KANSL3: variants seen among roughly 807,000 people sequenced by gnomAD.
KANSL3 encodes the protein NSL complex protein NSL3.
KANSL3 carries 16 observed loss-of-function variants against 89.2 expected under a neutral mutation model. That is an observed-to-expected ratio of 0.18 (90% CI 0.12 to 0.27). KANSL3 has a LOEUF of 0.27. Ranked by LOEUF, KANSL3 falls within the 10% of genes least tolerant of loss-of-function variation. KANSL3 has a pLI of 1.00. For synonymous variants in KANSL3, 385 were observed against 419.7 expected (o/e 0.92, Z 1.01); for missense variants, 879 against 1,110.6 (o/e 0.79, Z 2.96).
intron 14 of KANSL3, chr2:96,606,525 G>A (rs1162555303): frequency 6.2e-6 from 1 of 160,924 alleles, no homozygotes; most frequent in African/African-American, 2.4e-5. Flanking sequence ...TTGCTTAGGG[G>A]ACAAATGCAC....
Position 96,602,213 on chromosome 2 carries a change from C to G in KANSL3, c.2385G>C (p.Gly795=). ...GCAGCTGGTGGATGGCTGTGGGCTT[C>G]CCACCAGGAGTGGCACCCAAGGAGG... ...TLSSLGATPG[G]KPTAIHQLLT... Residue 795 remains glycine, a synonymous_variant, in exon 19 of 21, where the codon GGG becomes GGC. Transcript: ENST00000431828. The G allele has an allele frequency of 6.2e-7, 1 of 1,609,214 alleles. No homozygotes were observed. Among genetic ancestry groups the G allele is most frequent in the Non-Finnish European group, 8.5e-7 (1 of 1,178,020 alleles).
intron 20 of KANSL3, among the ~76,000 whole-genome samples, chr2:96,597,789 G>T (rs555800551): frequency 6.6e-6 from 1 of 152,038 alleles, no homozygotes; most frequent in Non-Finnish European, 1.5e-5. Flanking sequence ...TTTTAGTAGA[G>T]ATGGGGTTTC....
Position 96,605,341 on chromosome 2 carries a change from A to G in KANSL3, c.1912T>C (p.Ser638Pro), listed in dbSNP as rs1412578759. The change falls in exon 15 of 21, where the codon TCC becomes CCC. Residue 638 changes from serine to proline, a missense_variant. Transcript: ENST00000431828. ...TCACCTTCTGGAGCACTTCCTTGGG[A>G]AGGAGCACAAGGCCCTCCAGCTGTG... ...GDTAGGPCAP[S>P]QGSAPEAAGG... is the part of the protein sequence containing the mutation. 6.2e-7 allele frequency: 1 copy of G among 1,611,418 alleles called. No homozygotes were observed. Among genetic ancestry groups the G allele is most frequent in the African/African-American group, 1.3e-5 (1 of 74,974 alleles).
chr2:96,628,056 T>A (rs2072717667), intron 3 of KANSL3: 1 of 1,290,322 alleles, frequency 7.7e-7, no homozygotes, highest in Admixed American at 2.3e-5. Flanking sequence ...GGCAATGTCA[T>A]AACAGAAGGG....
chr2:96,593,706 G>C lies in KANSL3; in HGVS notation c.*1905C>G, dbSNP rs2104786940. ...TTTCTTTGTCCCCAGCATACACTGA[G>C]CCAACAACTTAAGTCATGAATGGGT... On this transcript the variant is annotated 3_prime_UTR_variant, in exon 21 of 21. Transcript: ENST00000431828. The C allele has an allele frequency of 5.1e-6, 1 of 197,484 alleles. No individual in the cohort carries two copies. The highest frequency in any genetic ancestry group is 9.9e-5 in the South Asian group (1 of 10,134). 12.2% of individuals were successfully genotyped at this position (197,484 alleles called of 1,614,324 possible).
chr2:96,605,192 T>TC, intron 15 of KANSL3, 128 bp downstream of exon 15: 3 of 807,960 alleles, frequency 3.7e-6, no homozygotes, highest in Non-Finnish European at 3.9e-6. Context: ...TACAGACTCA[T>TC]GTCTTCTTTG....
chr2:96,624,707 A>G (rs1006208592), intron 3 of KANSL3, among the ~76,000 whole-genome samples: 1 of 152,010 alleles, frequency 6.6e-6, no homozygotes, highest in East Asian at 1.9e-4. Flanking sequence ...TTTTTAGTAG[A>G]GGCGAGGTTT....
the KANSL3 span, among the ~76,000 whole-genome samples, chr2:96,587,242 AC>A: frequency 6.6e-6 from 1 of 152,200 alleles, no homozygotes; most frequent in Admixed American, 6.5e-5. Flanking sequence ...CTGGAAATCT[AC>A]CCACCTGGCA....
intron 5 of KANSL3, chr2:96,615,656 C>A: frequency 5.8e-5 from 21 of 362,098 alleles, no homozygotes; most frequent in South Asian, 1.9e-4. Flanking sequence ...TTGTAAAACT[C>A]CAAAAATAGC....
intron 6 of KANSL3, 90 bp downstream of exon 6, chr2:96,613,398 A>G (rs2069372581): frequency 3.0e-6 from 3 of 1,012,022 alleles, no homozygotes; most frequent in South Asian, 1.8e-5. Context: ...ATAAATAGTT[A>G]AAGAAGCCAT....
chr2:96,587,584 T>C, the KANSL3 span, among the ~76,000 whole-genome samples: 3,797 of 152,306 alleles, frequency 0.025, 171 homozygotes, highest in African/African-American at 0.087. Flanking sequence ...TCGAGTTTCA[T>C]AGATAACACT....
chr2:96,617,496 G>C (rs915133054), intron 5 of KANSL3, among the ~76,000 whole-genome samples: 1 of 151,476 alleles, frequency 6.6e-6, no homozygotes, highest in Non-Finnish European at 1.5e-5. Context: ...GGAACGTGTT[G>C]GCCAGGCAAC....
chr2:96,628,560 C>T (rs778715586), intron 3 of KANSL3: 19 of 163,596 alleles, frequency 1.2e-4, no homozygotes, highest in Non-Finnish European at 1.6e-4. Flanking sequence ...GGTTCCCACC[C>T]GGGAGAATCA....
Position 96,612,512 on chromosome 2 carries a change from G to C in KANSL3, c.964C>G (p.Leu322Val). 1 of 1,613,966 alleles carries C rather than the reference G, an allele frequency of 6.2e-7. No individual in the cohort carries two copies. The highest frequency in any genetic ancestry group is 1.1e-5 in the South Asian group (1 of 91,086). ...CCAATCATATGCTCGAGACACTGTA[G>C]AACTCCTACCCCACTGCCATTGTTC... ...LLNNGSGVGV[L>V]QCLEHMIGAV... is the part of the protein sequence containing the mutation. The change falls in exon 8 of 21, where the codon CTA (leucine) becomes GTA (valine). Residue 322 changes from leucine to valine, a missense_variant. Around this residue, in one of 6 missense-constraint regions of KANSL3, gnomAD observed 198 missense variants for 260.3 expected, o/e 0.76. Transcript: ENST00000431828.
intron 15 of KANSL3, 89 bp from the exon 16 acceptor site, chr2:96,604,952 T>C (rs184037351): frequency 2.8e-6 from 3 of 1,060,052 alleles, no homozygotes; most frequent in Non-Finnish European, 4.1e-6. Flanking sequence ...ATGCAAGATA[T>C]TACGGACGAA....
chr2:96,591,139 A>T (rs2066267632), downstream of KANSL3, among the ~76,000 whole-genome samples: 1 of 152,242 alleles, frequency 6.6e-6, no homozygotes, highest in Non-Finnish European at 1.5e-5. Context: ...CTAAACCCAT[A>T]CCATGAAATA....
chr2:96,609,125 C>T (rs1276846170), intron 12 of KANSL3, 61 bp from the exon 13 acceptor site: 11 of 1,394,824 alleles, frequency 7.9e-6, no homozygotes, highest in Admixed American at 2.1e-5. Context: ...GGGAACCTCT[C>T]ATATACTTTC....
chr2:96,621,408 G>A (rs555662603), intron 3 of KANSL3, among the ~76,000 whole-genome samples: 3 of 152,140 alleles, frequency 2.0e-5, no homozygotes, highest in South Asian at 2.1e-4. Context: ...CAGCTACTCC[G>A]GAGGCTGAGG....
chr2:96,610,597 G>C (rs537600472), intron 11 of KANSL3, 129 bp downstream of exon 11: 2 of 1,014,412 alleles, frequency 2.0e-6, no homozygotes, highest in South Asian at 3.3e-5. Flanking sequence ...TTACAGGCGT[G>C]AGCCACCGCG....
Sources: allele counts gnomAD v4.1 joint callset (sites outside exome capture counted in the v4.1 genomes callset), GRCh38; gene constraint gnomAD v4.1.1; regional missense constraint gnomAD v4.1.1; transcripts MANE v1.5; gene names NCBI Gene and HGNC (gene_info 2026-07-23, HGNC 2026-07-21).